VAV1: variants seen among roughly 807,000 people sequenced by gnomAD.
VAV1 encodes the protein proto-oncogene vav.
VAV1 carries 33 observed loss-of-function variants against 128.1 expected under a neutral mutation model. That is an observed-to-expected ratio of 0.26 (90% CI 0.20 to 0.34). The LOEUF is 0.34. VAV1 is among the 10% of genes least tolerant of loss of function. The pLI, the probability that VAV1 is intolerant of heterozygous loss-of-function variation, is 1.00. For synonymous variants in VAV1, 394 were observed against 409.8 expected, an observed-to-expected ratio of 0.96 and a Z score of 0.47; for missense variants, 715 against 1,093.7, an observed-to-expected ratio of 0.65 and a Z score of 4.88.
chr19:6,793,745 T>A (rs1419646485), intron 1 of VAV1, among the ~76,000 whole-genome samples: 1 of 152,092 alleles, frequency 6.6e-6, no homozygotes. Flanking sequence ...TAATCAGAAG[T>A]CAACATGGCA....
chr19:6,798,440 C>A (rs1971189412), intron 1 of VAV1, among the ~76,000 whole-genome samples: 1 of 151,838 alleles, frequency 6.6e-6, no homozygotes, highest in Non-Finnish European at 1.5e-5. Context: ...TCAGCCTGGG[C>A]AACATGGTGA....
chr19:6,823,768 T>C (rs1204209914), intron 6 of VAV1, among the ~76,000 whole-genome samples: 2 of 152,142 alleles, frequency 1.3e-5, no homozygotes, highest in Non-Finnish European at 2.9e-5. Context: ...CACCTCTCCA[T>C]TTCTTTTAAA....
At chr19:6,851,165 T>C (rs1568319636) in intron 24 of VAV1, among the ~76,000 whole-genome samples, 1 of 151,788 alleles carries the variant, frequency 6.6e-6, no homozygotes, top group South Asian at 2.1e-4. Flanking sequence ...TATATATAGA[T>C]AGATAGAGAG....
chr19:6,850,319 G>A lies in VAV1; in HGVS notation c.2130-351G>A, dbSNP rs149991130. 4.9e-4 allele frequency among the ~76,000 whole-genome samples: 65 copies of A among 131,884 alleles called. 1 individual carries two copies. Among genetic ancestry groups the A allele is most frequent in the African/African-American group, 1.8e-3 (64 of 35,158 alleles). 86.5% of individuals were successfully genotyped at this position (131,884 alleles called of 152,430 possible). Reference sequence around the variant, plus strand: ...CCTTTTAGTCTATTTCCACCATGTTGACAGAAATGGGTCTTTCCTCCCTCT... The same window carrying A: ...CCTTTTAGTCTATTTCCACCATGTTAACAGAAATGGGTCTTTCCTCCCTCT... On this transcript the variant is annotated intron_variant, in intron 23 of 26. Coordinates refer to ENST00000602142, the MANE Select transcript of VAV1 (RefSeq NM_005428.4).
chr19:6,852,503 C>T (rs1386798948), intron 24 of VAV1, among the ~76,000 whole-genome samples: 1 of 152,210 alleles, frequency 6.6e-6, no homozygotes, highest in Non-Finnish European at 1.5e-5. Context: ...AGGCGGATCA[C>T]GAGGTCAGGA....
At chr19:6,810,823 G>A (rs1358931185) in intron 1 of VAV1, among the ~76,000 whole-genome samples, 1 of 152,156 alleles carries the variant, frequency 6.6e-6, no homozygotes, top group African/African-American at 2.4e-5. Context: ...GAAGAGGCTG[G>A]AGGGAGAGCA....
chr19:6,851,985 G>C (rs1972681761), intron 24 of VAV1, among the ~76,000 whole-genome samples: 1 of 152,020 alleles, frequency 6.6e-6, no homozygotes, highest in African/African-American at 2.4e-5. Flanking sequence ...ATAGGGTAGT[G>C]AGTATCTATG....
chr19:6,849,180 T>A (rs899885208), intron 23 of VAV1, among the ~76,000 whole-genome samples: 1 of 151,628 alleles, frequency 6.6e-6, no homozygotes, highest in African/African-American at 2.4e-5. Context: ...GTTGGGGCCA[T>A]GAATGATCCC....
chr19:6,778,966 T>A (rs1970703115), intron 1 of VAV1, among the ~76,000 whole-genome samples: 1 of 147,014 alleles, frequency 6.8e-6, no homozygotes, highest in South Asian at 2.1e-4. Context: ...AGCCTCGAAC[T>A]CCTGTACTCA....
intron 19 of VAV1, 184 bp from the exon 20 acceptor site, chr19:6,836,248 C>T: frequency 1.4e-6 from 1 of 723,352 alleles, no homozygotes; most frequent in Non-Finnish European, 2.2e-6. Context: ...GTAGATATTG[C>T]CAAATAGTTT....
At chr19:6,780,612 C>G (rs1391759726) in intron 1 of VAV1, among the ~76,000 whole-genome samples, 2 of 144,790 alleles carry the variant, frequency 1.4e-5, no homozygotes, top group Non-Finnish European at 3.0e-5. Context: ...CACTCTATTC[C>G]TCAGGCTGGA....
intron 1 of VAV1, among the ~76,000 whole-genome samples, chr19:6,785,722 C>T (rs1442806411): frequency 4.2e-5 from 6 of 141,332 alleles, no homozygotes; most frequent in African/African-American, 8.0e-5. Flanking sequence ...TGCAGTGGCA[C>T]GATCTCAGCT....
At chr19:6,853,146 A>G in intron 25 of VAV1, 67 bp downstream of exon 25, 2 of 1,465,322 alleles carry the variant, frequency 1.4e-6, no homozygotes, top group Non-Finnish European at 1.9e-6. Context: ...AACTTTGGGG[A>G]TGCCATTGAC....
Position 6,833,386 on chromosome 19 carries a change from G to A in VAV1, c.1610+101G>A, listed in dbSNP as rs568093740. ...TGGTTCCCTAAATTGGGAGATGGGG[G>A]AGTCCCTACTTTGATCTTCTGCTTC... On this transcript the variant is annotated intron_variant, in intron 16 of 26. Transcript: ENST00000602142. The A allele has an allele frequency of 1.8e-5, 25 of 1,386,760 alleles. No individual in the cohort carries two copies. The East Asian group carries it at 5.5e-4, about 31-fold the overall frequency. 85.9% of individuals were successfully genotyped at this position (1,386,760 alleles called of 1,614,324 possible).
Position 6,828,932 on chromosome 19 carries a change from G to C in VAV1, c.1265+32G>C, listed in dbSNP as rs759636112. ...GGAGTCAACATGGATCTGGGATGGA[G>C]CCTGGGCAAAGGGGTGGGACCAGGC... On this transcript the variant is annotated intron_variant, in intron 13 of 26. Coordinates refer to ENST00000602142, the MANE Select transcript of VAV1 (RefSeq NM_005428.4). The surrounding 1 kb of genome is among the most constrained non-coding windows in gnomAD (Gnocchi z 4.5). 8.7e-6 allele frequency: 14 copies of C among 1,612,680 alleles called. No homozygotes were observed. The highest frequency in any genetic ancestry group is 3.3e-4 in the Middle Eastern group (2 of 6,082).
chr19:6,821,510 G>A, intron 2 of VAV1, 112 bp from the exon 3 acceptor site: 4 of 1,274,538 alleles, frequency 3.1e-6, no homozygotes. Context: ...CCTGAATTAG[G>A]CTTCCAAGAG....
intron 1 of VAV1, among the ~76,000 whole-genome samples, chr19:6,785,563 T>C (rs1027633411): frequency 6.6e-6 from 1 of 152,008 alleles, no homozygotes; most frequent in Non-Finnish European, 1.5e-5. Flanking sequence ...AACTCCTGAC[T>C]TCAGGTGATC....
Position 6,820,589 on chromosome 19 carries a change from G to T in VAV1, c.205-113G>T. Reference sequence around the variant, plus strand: ...AAGATAATTCAATTTCATGGAAGAGGGTCTGTGCTTTCATTTCCCCTCCAC... The same window carrying T: ...AAGATAATTCAATTTCATGGAAGAGTGTCTGTGCTTTCATTTCCCCTCCAC... On this transcript the variant is annotated intron_variant, in intron 1 of 26. Coordinates refer to ENST00000602142, the MANE Select transcript of VAV1 (RefSeq NM_005428.4). The surrounding 1 kb of genome is among the most constrained non-coding windows in gnomAD (Gnocchi z 4.4). 4.0e-6 allele frequency: 3 copies of T among 747,760 alleles called. No homozygotes were observed. Among genetic ancestry groups the T allele is most frequent in the East Asian group, 2.5e-5 (1 of 40,338 alleles). The allele number at this position is 747,760 out of a possible 1,614,324, so 46.3% of individuals were successfully genotyped here.
intron 1 of VAV1, among the ~76,000 whole-genome samples, chr19:6,815,246 C>G (rs1489860070): frequency 6.6e-6 from 1 of 152,120 alleles, no homozygotes; most frequent in East Asian, 1.9e-4. Context: ...CTCCTGGCCT[C>G]AAGTGATCCT....
Sources: gnomAD v4.1 joint callset for allele counts (sites outside exome capture counted in the v4.1 genomes callset) on GRCh38, gnomAD v4.1.1 for gene constraint, Gnocchi (gnomAD v3.1) non-coding constraint, MANE v1.5 for transcripts, NCBI Gene and HGNC (gene_info 2026-07-23, HGNC 2026-07-21) for gene names.